Variants in GRIP1 observed in about 807,000 individuals in gnomAD.
GRIP1 encodes the protein glutamate receptor-interacting protein 1.
A neutral mutation model predicts 129.9 loss-of-function variants in GRIP1; 45 were observed. The ratio of observed to expected loss-of-function variants is 0.35; its 90% confidence interval spans 0.27 to 0.44. The LOEUF (loss-of-function observed/expected upper bound fraction) is 0.44, where lower values mean the gene tolerates loss of function less well. Ranked by LOEUF, GRIP1 falls within the 20% of genes least tolerant of loss-of-function variation. The pLI, the probability that GRIP1 is intolerant of heterozygous loss-of-function variation, is 1.00. For synonymous variants in GRIP1, 530 were observed against 520.8 expected, an observed-to-expected ratio of 1.02 and a Z score of -0.24; for missense variants, 1,196 against 1,396.8, an observed-to-expected ratio of 0.86 and a Z score of 2.29.
At chr12:66,917,401 A>AC (rs2041141827) in intron 1 of GRIP1, among the ~76,000 whole-genome samples, 1 of 152,220 alleles carries the variant, frequency 6.6e-6, no homozygotes, top group Non-Finnish European at 1.5e-5. Flanking sequence ...CCAGGAATGA[A>AC]CTGCTGATTG....
intron 1 of GRIP1, among the ~76,000 whole-genome samples, chr12:66,897,425 C>G (rs2040768336): frequency 6.6e-6 from 1 of 152,158 alleles, no homozygotes; most frequent in Non-Finnish European, 1.5e-5. Flanking sequence ...ACAGAAAACT[C>G]CACTAGTTTA....
intron 1 of GRIP1, among the ~76,000 whole-genome samples, chr12:66,740,828 A>T (rs774515153): frequency 6.6e-6 from 1 of 152,110 alleles, no homozygotes; most frequent in East Asian, 1.9e-4. Context: ...AAAAACTAAG[A>T]TTAAAGAGCT....
At chr12:67,064,775 A>C (rs574750359) in intron 1 of GRIP1, among the ~76,000 whole-genome samples, 4 of 152,112 alleles carry the variant, frequency 2.6e-5, no homozygotes, top group Admixed American at 2.0e-4. Flanking sequence ...ATTATACTTT[A>C]AGTTTTAGGG....
intron 15 of GRIP1, among the ~76,000 whole-genome samples, chr12:66,415,919 T>C (rs1270102641): frequency 2.0e-5 from 3 of 151,980 alleles, no homozygotes; most frequent in Admixed American, 1.3e-4. Context: ...GGGCCTGTCA[T>C]GGGTGAGGTG....
At chr12:66,367,485 G>A (rs2055222294) in intron 23 of GRIP1, among the ~76,000 whole-genome samples, 1 of 152,112 alleles carries the variant, frequency 6.6e-6, no homozygotes. Flanking sequence ...GTCTGGGCTG[G>A]GCTTAGGAAC....
At chr12:66,850,382 T>C (rs1418811420) in intron 1 of GRIP1, among the ~76,000 whole-genome samples, 2 of 152,150 alleles carry the variant, frequency 1.3e-5, no homozygotes, top group East Asian at 3.9e-4. Flanking sequence ...ATTAGAATGT[T>C]CCTCTGTTGA....
At chr12:66,382,087 A>G (rs2056136376) in intron 19 of GRIP1, among the ~76,000 whole-genome samples, 1 of 152,106 alleles carries the variant, frequency 6.6e-6, no homozygotes, top group Admixed American at 6.5e-5. Context: ...AAACCCCTCA[A>G]AATTAGCTGG....
intron 1 of GRIP1, among the ~76,000 whole-genome samples, chr12:66,617,718 T>A (rs1020185706): frequency 2.0e-5 from 3 of 151,632 alleles, no homozygotes; most frequent in African/African-American, 7.3e-5. Flanking sequence ...AATGGGCTTA[T>A]GTTATTAACA....
rs1322192835 is a variant in GRIP1, at chr12:66,621,777, A to T, written c.56-24850T>A. Among the ~76,000 whole-genome samples the T allele has an allele frequency of 3.3e-5, 5 of 152,212 alleles. No individual in the cohort carries two copies. In the South Asian group the frequency reaches 8.3e-4, roughly 25 times the overall value. ...AATACTTGCTATTTTCTGTTTTTTA[A>T]TAGCCATCCTAATGGATATAAAGTG... On this transcript the variant is annotated intron_variant, in intron 1 of 24. Coordinates refer to ENST00000359742, the MANE Select transcript of GRIP1 (RefSeq NM_001366722.1).
In GRIP1 at chr12:67,061,192, A is replaced by G. The variant is rs545467388; in HGVS notation, c.58+7858T>C. Among the ~76,000 whole-genome samples, 5 of 152,390 alleles carry G rather than the reference A, an allele frequency of 3.3e-5. No individual in the cohort carries two copies. The South Asian group carries it at 1.0e-3, about 32-fold the overall frequency. The stretch of plus-strand genomic sequence containing the variant: ...TTGAAATTTTTTAATAAAAATTTCC[A>G]ATTTATGAAACACAAGTTATCCAAA... On this transcript the variant is annotated intron_variant, in intron 1 of 1. Transcript: ENST00000643019.
chr12:66,820,783 T>C (rs983724573), intron 1 of GRIP1, among the ~76,000 whole-genome samples: 13 of 151,428 alleles, frequency 8.6e-5, no homozygotes, highest in African/African-American at 2.4e-4. Flanking sequence ...TCTAACTGTA[T>C]GACATTTGGG....
In GRIP1 at chr12:66,349,060, C is replaced by A; in HGVS notation, c.3346G>T (p.Gly1116Cys). The change falls in exon 25 of 25, where the codon GGT becomes TGT. Residue 1116 changes from glycine to cysteine, a missense_variant. Coordinates refer to ENST00000359742, the MANE Select transcript of GRIP1 (RefSeq NM_001366722.1). ...GGTTCTCGTGTCTCCAAATTACCAC[C>A]GTGGCTAGGCTGCTGGAAAAAAGCA... ...NSAFFQQPSH[G>C]GNLETREPTN... 6.2e-7 allele frequency: 1 copy of A among 1,614,034 alleles called. No individual in the cohort carries two copies. The highest frequency in any genetic ancestry group is 2.2e-5 in the East Asian group (1 of 44,886).
upstream of GRIP1, among the ~76,000 whole-genome samples, chr12:66,806,268 G>A (rs1592863877): frequency 6.6e-6 from 1 of 152,012 alleles, no homozygotes; most frequent in Non-Finnish European, 1.5e-5. Context: ...GTAGTAGCAG[G>A]TATTTTTCAT....
At chr12:66,365,208 G>A (rs879657655) in intron 23 of GRIP1, among the ~76,000 whole-genome samples, 2 of 152,208 alleles carry the variant, frequency 1.3e-5, no homozygotes, top group African/African-American at 4.8e-5. Flanking sequence ...GGCCAAGGAA[G>A]GCAGATCATC....
rs147310398 is a variant in GRIP1 at position 66,865,747 on chromosome 12, C to T, written c.58+203303G>A. Among the ~76,000 whole-genome samples the T allele has an allele frequency of 1.0e-3, 153 of 152,198 alleles. 2 individuals are homozygous for T. In the East Asian group the frequency reaches 0.028, roughly 28 times the overall value. On this transcript the variant is annotated intron_variant, in intron 1 of 1. Transcript: ENST00000643019. ...AGTGAAACAAATAATCTTTTCCCCTCACGATTTAATGTTTTAAAGCAAAAC... is the reference window on the plus strand; with the variant it reads ...AGTGAAACAAATAATCTTTTCCCCTTACGATTTAATGTTTTAAAGCAAAAC...
intron 5 of GRIP1, among the ~76,000 whole-genome samples, chr12:66,521,576 G>A (rs996976444): frequency 2.6e-5 from 4 of 152,310 alleles, no homozygotes; most frequent in African/African-American, 7.2e-5. Context: ...CAGCGTGAGT[G>A]ACGCAGAAGA....
At position 66,379,437 on chromosome 12, in the gene GRIP1, C is replaced by A; in HGVS notation, c.2465-1G>T. ...TATCCTGAGGCCTGAAAACTAGTGC[C>A]TAAAATATAAACAAGGTGTTAGCAT... is the stretch of plus-strand genomic sequence containing the variant. On this transcript the variant is annotated splice_acceptor_variant, in intron 19 of 24. Coordinates refer to ENST00000359742, the MANE Select transcript of GRIP1 (RefSeq NM_001366722.1). LOFTEE classifies it high-confidence loss of function. 1 of 1,613,976 alleles carries A rather than the reference C, an allele frequency of 6.2e-7. No homozygotes were observed. The highest frequency in any genetic ancestry group is 8.5e-7 in the Non-Finnish European group (1 of 1,179,882).
At chr12:66,693,242 G>A (rs939308454) in intron 1 of GRIP1, among the ~76,000 whole-genome samples, 1 of 152,142 alleles carries the variant, frequency 6.6e-6, no homozygotes, top group Non-Finnish European at 1.5e-5. Context: ...AAGTACGCTC[G>A]TTTTGCCTGA....
At chr12:66,505,408 C>G (rs1401690040) in intron 7 of GRIP1, among the ~76,000 whole-genome samples, 1 of 152,146 alleles carries the variant, frequency 6.6e-6, no homozygotes, top group African/African-American at 2.4e-5. Context: ...CCTGCGTTAG[C>G]TTGGAAGGGA....
Sources: gnomAD v4.1 joint callset for allele counts (sites outside exome capture counted in the v4.1 genomes callset) on GRCh38, gnomAD v4.1.1 for gene constraint, MANE v1.5 for transcripts, NCBI Gene and HGNC (gene_info 2026-07-23, HGNC 2026-07-21) for gene names.